The following LAPTM4A variants were observed in gnomAD, a reference collection of about 807,000 sequenced individuals.
LAPTM4A encodes lysosomal protein transmembrane 4 alpha.
LAPTM4A carries 19 observed loss-of-function variants against 29.9 expected under a neutral mutation model. That is an observed-to-expected ratio of 0.64 (90% CI 0.44 to 0.93). The LOEUF is 0.93. LAPTM4A is among the 40% of genes least tolerant of loss of function. The pLI is 0.00. For missense variants in LAPTM4A, 293 were observed against 288.5 expected (o/e 1.02, Z -0.11); for synonymous variants, 105 against 102.1 (o/e 1.03, Z -0.17).
In LAPTM4A at chr2:20,040,742, T is replaced by C. The variant is rs1366680132; in HGVS notation, c.232+149A>G. 5.1e-5 allele frequency: 37 copies of C among 729,806 alleles called. No homozygotes were observed. The East Asian group carries it at 8.3e-4, about 16-fold the overall frequency. The allele number at this position is 729,806 out of a possible 1,614,324, so 45.2% of individuals were successfully genotyped here. On this transcript the variant is annotated intron_variant, in intron 2 of 6. Transcript: ENST00000175091. ...CCTAGGTGTATAGTAGGCTACGCTA[T>C]CTAGGTTTGTGTAAGTACACCCTAT...
chr2:20,050,638 GCAA>G (rs1418996283), intron 1 of LAPTM4A, among the ~76,000 whole-genome samples: 2 of 152,254 alleles, frequency 1.3e-5, no homozygotes, highest in South Asian at 2.1e-4. Context: ...GAATCACCAG[GCAA>G]CAACAGTGTC....
chr2:20,051,595 T>C lies in LAPTM4A; in HGVS notation c.-75A>G, dbSNP rs1266573465. ...ACCCGCAGCCAAACTCAAACGGCTG[T>C]TTCACGGCCTCCAAAACCCAACGAC... is the stretch of plus-strand genomic sequence containing the variant. On this transcript the variant is annotated 5_prime_UTR_variant, in exon 1 of 7. Coordinates refer to ENST00000175091, the MANE Select transcript of LAPTM4A (RefSeq NM_014713.5). The C allele has an allele frequency of 9.4e-6, 9 of 961,340 alleles. No individual in the cohort carries two copies. Among genetic ancestry groups the C allele is most frequent in the African/African-American group, 1.6e-5 (1 of 61,102 alleles). The allele number at this position is 961,340 out of a possible 1,614,324, so 59.6% of individuals were successfully genotyped here.
Position 20,034,303 on chromosome 2 carries a change from C to T in LAPTM4A, c.627+14G>A. On this transcript the variant is annotated intron_variant, in intron 6 of 6. Coordinates refer to ENST00000175091, the MANE Select transcript of LAPTM4A (RefSeq NM_014713.5). ...GTGACTGGTGACCTTTTACTCTATC[C>T]AACAGTAGCTAACCTGAGGAGGTGC... The T allele has an allele frequency of 6.3e-7, 1 of 1,577,890 alleles. No homozygotes were observed. Among genetic ancestry groups the T allele is most frequent in the Non-Finnish European group, 8.7e-7 (1 of 1,146,940 alleles).
intron 1 of LAPTM4A, 94 bp from the exon 2 acceptor site, chr2:20,041,105 T>A (rs1673787867): frequency 1.6e-6 from 2 of 1,220,588 alleles, no homozygotes; most frequent in Non-Finnish European, 2.3e-6. Flanking sequence ...TAAGATTGTC[T>A]TACTTGAAGT....
chr2:20,040,964 A>T lies in LAPTM4A; in HGVS notation c.159T>A (p.His53Gln). 1 of 1,613,666 alleles carries T rather than the reference A, an allele frequency of 6.2e-7. No homozygotes were observed. Among genetic ancestry groups the T allele is most frequent in the Non-Finnish European group, 8.5e-7 (1 of 1,179,542 alleles). The change falls in exon 2 of 7, where the codon CAT becomes CAA. Residue 53 changes from histidine to glutamine, a missense_variant. Physicochemically the swap from His to Gln is conservative, Grantham distance 24. Transcript: ENST00000175091. ...MAILLTVEVTHPNSMPAVNIQ... is the reference protein window; with the variant it reads ...MAILLTVEVTQPNSMPAVNIQ... ...TGTTGACAGCTGGCATGGAGTTTGG[A>T]TGAGTCACTTCCACAGTCAGCAAAA...
At chr2:20,040,744 T>C in intron 2 of LAPTM4A, 147 bp downstream of exon 2, 1 of 740,680 alleles carries the variant, frequency 1.4e-6, no homozygotes, top group East Asian at 2.6e-5. Flanking sequence ...CTACGCTATC[T>C]AGGTTTGTGT....
chr2:20,033,519 A>T lies in LAPTM4A; in HGVS notation c.628-240T>A, dbSNP rs181863372. Among the ~76,000 whole-genome samples the T allele has an allele frequency of 9.9e-5, 15 of 152,238 alleles. No individual in the cohort carries two copies. In the East Asian group the frequency reaches 2.7e-3, roughly 27 times the overall value. ...TGGGGAGAGAGAGTCCTGCTTCTGG[A>T]CAAGGATTCCTAGACAGGCAGGCAG... is the stretch of plus-strand genomic sequence containing the variant. On this transcript the variant is annotated intron_variant, in intron 6 of 6. Coordinates refer to ENST00000175091, the MANE Select transcript of LAPTM4A (RefSeq NM_014713.5).
At chr2:20,039,971 A>G (rs13406536) in intron 2 of LAPTM4A, among the ~76,000 whole-genome samples, 10,676 of 152,026 alleles carry the variant, frequency 0.07, 864 homozygotes, top group African/African-American at 0.2. Context: ...GCTTGAACCC[A>G]GGAGGCAGAG....
intron 1 of LAPTM4A, among the ~76,000 whole-genome samples, chr2:20,046,656 C>T (rs1223214691): frequency 6.8e-6 from 1 of 147,406 alleles, no homozygotes; most frequent in Non-Finnish European, 1.5e-5. Flanking sequence ...CCATGCCCCG[C>T]TAATATATAT....
chr2:20,042,959 A>G (rs1460008673), intron 1 of LAPTM4A, among the ~76,000 whole-genome samples: 1 of 152,144 alleles, frequency 6.6e-6, no homozygotes, highest in Admixed American at 6.6e-5. Flanking sequence ...TTAGTTTTTG[A>G]GATGGAGTCT....
At chr2:20,039,416 C>G (rs992293394) in intron 2 of LAPTM4A, among the ~76,000 whole-genome samples, 1 of 152,238 alleles carries the variant, frequency 6.6e-6, no homozygotes, top group Non-Finnish European at 1.5e-5. Context: ...CAGGTATTAT[C>G]AAACTTGAAA....
At chr2:20,037,736 C>T in intron 2 of LAPTM4A, 122 bp from the exon 3 acceptor site, 1 of 533,640 alleles carries the variant, frequency 1.9e-6, no homozygotes, top group Non-Finnish European at 3.1e-6. Flanking sequence ...ATAAAAAGAT[C>T]TAAGGCCAAG....
At chr2:20,037,149 T>C (rs1673694128) in intron 4 of LAPTM4A, 167 bp downstream of exon 4, 7 of 536,052 alleles carry the variant, frequency 1.3e-5, no homozygotes, top group Non-Finnish European at 2.2e-5. Context: ...TACTTTCATC[T>C]TGCCAGTTTT....
chr2:20,034,875 T>C (rs1042012382), intron 5 of LAPTM4A, 92 bp downstream of exon 5: 3 of 865,764 alleles, frequency 3.5e-6, no homozygotes, highest in African/African-American at 3.4e-5. Flanking sequence ...AAATCCTCAA[T>C]CTCCTGTGAC....
At position 20,034,974 on chromosome 2, in the gene LAPTM4A, A is replaced by C. The variant is rs779120078; in HGVS notation, c.521T>G (p.Ile174Ser). Reference sequence around the variant, plus strand: ...ATTTAGTCAGCAACGTACCTTAAAAATGATGAATAAGGCAAAGAACACAAG... The same window carrying C: ...ATTTAGTCAGCAACGTACCTTAAAACTGATGAATAAGGCAAAGAACACAAG... ...IVLVFFALFIIFKAYLINCVW... is the reference protein window; with the variant it reads ...IVLVFFALFISFKAYLINCVW... The change falls in exon 5 of 7, where the codon ATT becomes AGT. Residue 174 changes from isoleucine to serine, a missense_variant. Transcript: ENST00000175091. 1.1e-5 allele frequency: 18 copies of C among 1,610,116 alleles called. No homozygotes were observed. In the South Asian group the frequency reaches 2.0e-4, roughly 18 times the overall value.
At chr2:20,033,494 T>G (rs1437616886) in intron 6 of LAPTM4A, among the ~76,000 whole-genome samples, 2 of 151,038 alleles carry the variant, frequency 1.3e-5, no homozygotes, top group East Asian at 4.1e-4. Flanking sequence ...GAGAGGGAGG[T>G]GGGGAGAGAG....
chr2:20,036,193 G>GA (rs1673673225), intron 4 of LAPTM4A, among the ~76,000 whole-genome samples: 1 of 92 alleles, frequency 0.011, no homozygotes. Context: ...CAGGCCAACA[G>GA]CCCTGCCCCT....
intron 2 of LAPTM4A, 139 bp from the exon 3 acceptor site, chr2:20,037,753 A>T (rs1673711742): frequency 1.5e-5 from 1 of 68,346 alleles, no homozygotes; most frequent in Non-Finnish European, 2.4e-5. Flanking sequence ...CAAGAGGGTA[A>T]AAAAAAAAAA....
rs149452669 is a variant in LAPTM4A, at chr2:20,039,997, G to A, written c.232+894C>T. 1.6e-3 allele frequency among the ~76,000 whole-genome samples: 246 copies of A among 151,946 alleles called. 1 individual carries two copies. Among genetic ancestry groups the A allele is most frequent in the African/African-American group, 5.5e-3 (229 of 41,428 alleles). ...GGAGGCAGAGGTTGCCCTGAGCCGA[G>A]ATCGCACCACTGCACTCCAGCCTGG... On this transcript the variant is annotated intron_variant, in intron 2 of 6. Transcript: ENST00000175091.
Sources: allele counts gnomAD v4.1 joint callset (sites outside exome capture counted in the v4.1 genomes callset), GRCh38; gene constraint gnomAD v4.1.1; transcripts MANE v1.5; gene names NCBI Gene and HGNC (gene_info 2026-07-23, HGNC 2026-07-21).